The following PTPRN2 variants were observed in gnomAD, a reference collection of about 807,000 sequenced individuals.
PTPRN2 encodes protein tyrosine phosphatase receptor type N2, also known as receptor-type tyrosine-protein phosphatase N2.
PTPRN2 carries 74 observed loss-of-function variants against 118.8 expected under a neutral mutation model. The observed-to-expected ratio is 0.62, with a 90% CI of 0.52 to 0.76. The LOEUF (loss-of-function observed/expected upper bound fraction) is 0.76, where lower values mean the gene tolerates loss of function less well. PTPRN2 is among the 30% of genes least tolerant of loss of function. The probability of loss-of-function intolerance (pLI) is 0.00; values close to 1 mark genes in which losing one functional copy is unlikely to be tolerated. For synonymous variants in PTPRN2, 641 were observed against 608.0 expected (o/e 1.05, Z -0.80); for missense variants, 1,481 against 1,394.4 (o/e 1.06, Z -0.99).
In PTPRN2 at chr7:158,509,460, A is replaced by G. The variant is rs75458467; in HGVS notation, c.113-19675T>C. Among the ~76,000 whole-genome samples the G allele has an allele frequency of 0.017, 2,567 of 152,300 alleles. 73 individuals are homozygous for G. The highest frequency in any genetic ancestry group is 0.058 in the African/African-American group (2,397 of 41,556). ...GAAAGAGCTCAGCATCCTGGCATCA[A>G]GTCTGCCATTCAGGCCACACTGGGA... On this transcript the variant is annotated intron_variant, in intron 1 of 22. Coordinates refer to ENST00000389418, the MANE Select transcript of PTPRN2 (RefSeq NM_002847.5). The surrounding 1 kb of genome is among the most constrained non-coding windows in gnomAD (Gnocchi z 4.4).
chr7:158,327,521 TCACA>T (rs1269659570), intron 2 of PTPRN2, among the ~76,000 whole-genome samples: 2 of 151,940 alleles, frequency 1.3e-5, no homozygotes, highest in Admixed American at 6.5e-5. Context: ...ATGAACATTC[TCACA>T]CACATGCACA....
intron 3 of PTPRN2, among the ~76,000 whole-genome samples, chr7:158,302,533 A>C (rs185194451): frequency 2.4e-4 from 37 of 152,392 alleles, no homozygotes; most frequent in African/African-American, 8.4e-4. Context: ...ACCCCCAGTC[A>C]CCGACTGCAT....
At chr7:157,599,036 G>T (rs1801511076) in intron 16 of PTPRN2, among the ~76,000 whole-genome samples, 1 of 150,692 alleles carries the variant, frequency 6.6e-6, no homozygotes, top group Non-Finnish European at 1.5e-5. Context: ...TTGAGATGGA[G>T]CCTCACCCTG....
At chr7:158,418,503 G>A (rs1481062236) in intron 2 of PTPRN2, among the ~76,000 whole-genome samples, 1 of 150,464 alleles carries the variant, frequency 6.6e-6, no homozygotes, top group Non-Finnish European at 1.5e-5. Flanking sequence ...AGCTCTCCGT[G>A]TCCCACTGTG....
intron 2 of PTPRN2, among the ~76,000 whole-genome samples, chr7:158,338,245 G>A (rs1448988911): frequency 1.7e-5 from 1 of 57,852 alleles, no homozygotes; most frequent in Non-Finnish European, 3.3e-5. Flanking sequence ...TCGTCCGGAG[G>A]CGTCACTCAC....
At chr7:157,992,284 G>A (rs1804309920) in intron 11 of PTPRN2, among the ~76,000 whole-genome samples, 1 of 152,252 alleles carries the variant, frequency 6.6e-6, no homozygotes, top group African/African-American at 2.4e-5. Context: ...ATCAAAGACT[G>A]CATGGCGACA....
chr7:157,928,802 A>C (rs1415274080), intron 11 of PTPRN2, among the ~76,000 whole-genome samples: 2 of 129,872 alleles, frequency 1.5e-5, no homozygotes, highest in East Asian at 5.3e-4. Context: ...ACAGGGATAG[A>C]GGGCAGGAGA....
chr7:158,346,558 T>C (rs1489672405), intron 2 of PTPRN2, among the ~76,000 whole-genome samples: 1 of 152,242 alleles, frequency 6.6e-6, no homozygotes, highest in Non-Finnish European at 1.5e-5. Context: ...ATGGCCATTG[T>C]GGACAGTGCT....
chr7:157,743,732 G>T (rs1196072826), intron 12 of PTPRN2, among the ~76,000 whole-genome samples: 2 of 152,114 alleles, frequency 1.3e-5, no homozygotes, highest in Non-Finnish European at 2.9e-5. Context: ...CCGTGGCTGG[G>T]ATAGCTATCT....
intron 2 of PTPRN2, among the ~76,000 whole-genome samples, chr7:158,354,763 A>G (rs562923387): frequency 6.6e-6 from 1 of 152,320 alleles, no homozygotes; most frequent in South Asian, 2.1e-4. Flanking sequence ...AGCTTACTCA[A>G]AGAAACAGTA....
intron 1 of PTPRN2, among the ~76,000 whole-genome samples, chr7:158,502,296 G>A (rs1169375048): frequency 6.6e-6 from 1 of 152,218 alleles, no homozygotes; most frequent in Non-Finnish European, 1.5e-5. Context: ...TTGTGACAGA[G>A]ACTGGCCTGA....
At chr7:157,815,713 A>C (rs917128356) in intron 12 of PTPRN2, among the ~76,000 whole-genome samples, 1 of 152,212 alleles carries the variant, frequency 6.6e-6, no homozygotes, top group African/African-American at 2.4e-5. Context: ...GTTGGAGGCC[A>C]CCAGAAGCTG....
chr7:157,766,252 CTCCA>C (rs1320785688), intron 12 of PTPRN2, among the ~76,000 whole-genome samples: 1 of 148,962 alleles, frequency 6.7e-6, no homozygotes, highest in African/African-American at 2.5e-5. Context: ...TCCATCCTTC[CTCCA>C]TCCATCCATC....
chr7:158,329,908 G>C (rs1364471472), intron 2 of PTPRN2, among the ~76,000 whole-genome samples: 1 of 152,128 alleles, frequency 6.6e-6, no homozygotes, highest in Non-Finnish European at 1.5e-5. Flanking sequence ...GCTACATGGA[G>C]TGACTGGCAG....
At chr7:158,016,657 T>C (rs1229496424) in intron 11 of PTPRN2, among the ~76,000 whole-genome samples, 2 of 152,222 alleles carry the variant, frequency 1.3e-5, no homozygotes, top group Admixed American at 6.5e-5. Flanking sequence ...GCTTGCCAGC[T>C]CTCTAATCTG....
rs1801786466 is a variant in PTPRN2, at chr7:157,603,212, T to C, written c.2418+790A>G. 6.6e-6 allele frequency among the ~76,000 whole-genome samples: 1 copy of C among 152,092 alleles called. No homozygotes were observed. Among genetic ancestry groups the C allele is most frequent in the Admixed American group, 6.6e-5 (1 of 15,264 alleles). Reference sequence around the variant, plus strand: ...GTCCGAGTGTCCCCAGCCTGTGGCTTCAGCCCTCTCCATGCTCATATCTCT... The same window carrying C: ...GTCCGAGTGTCCCCAGCCTGTGGCTCCAGCCCTCTCCATGCTCATATCTCT... On this transcript the variant is annotated intron_variant, in intron 16 of 22. Coordinates refer to ENST00000389418, the MANE Select transcript of PTPRN2 (RefSeq NM_002847.5). The surrounding 1 kb of genome is among the most constrained non-coding windows in gnomAD (Gnocchi z 5.4).
Position 158,058,503 on chromosome 7 carries a change from CACACGGTGAGACATCACTGCAGCCACACT to C in PTPRN2, c.1723+22766_1723+22794del, listed in dbSNP as rs1810006378. ...CATCACTGCAGCCACACTCCATCTGCACACGGTGAGACATCACTGCAGCCACACTCCATCTGCACACGGTGAGACATCAC... is the reference window on the plus strand; with the variant it reads ...CATCACTGCAGCCACACTCCATCTGCCCATCTGCACACGGTGAGACATCAC... On this transcript the variant is annotated intron_variant, in intron 11 of 22. Coordinates refer to ENST00000389418, the MANE Select transcript of PTPRN2 (RefSeq NM_002847.5). Among the ~76,000 whole-genome samples, 12 of 84,308 alleles carry C rather than the reference CACACGGTGAGACATCACTGCAGCCACACT, an allele frequency of 1.4e-4. 3 individuals carry two copies. The highest frequency in any genetic ancestry group is 0.017 in the Middle Eastern group (2 of 118). The allele number at this position is 84,308 out of a possible 152,430, so 55.3% of individuals were successfully genotyped here.
chr7:158,326,553 A>G (rs1403796193), intron 2 of PTPRN2, among the ~76,000 whole-genome samples: 1 of 152,212 alleles, frequency 6.6e-6, no homozygotes, highest in South Asian at 2.1e-4. Context: ...ACAACCACAT[A>G]ATGCATGCAC....
chr7:158,418,606 C>T (rs372912907), intron 2 of PTPRN2, among the ~76,000 whole-genome samples: 4 of 72,740 alleles, frequency 5.5e-5, no homozygotes, highest in Non-Finnish European at 5.9e-5. Flanking sequence ...TGTAGCTCTC[C>T]GTGTCCCGCT....
Sources: gnomAD v4.1 joint callset for allele counts (sites outside exome capture counted in the v4.1 genomes callset) on GRCh38, gnomAD v4.1.1 for gene constraint, Gnocchi (gnomAD v3.1) non-coding constraint, MANE v1.5 for transcripts, NCBI Gene and HGNC (gene_info 2026-07-23, HGNC 2026-07-21) for gene names.